Variants in VPS13A observed in about 807,000 individuals in gnomAD.
VPS13A encodes vacuolar protein sorting 13 homolog A, also known as intermembrane lipid transfer protein VPS13A.
VPS13A carries 264 observed loss-of-function variants against 390.9 expected under a neutral mutation model. That is an observed-to-expected ratio of 0.68 (90% confidence interval 0.61 to 0.75). The LOEUF (loss-of-function observed/expected upper bound fraction) is 0.75. Ranked by LOEUF, VPS13A falls within the 30% of genes least tolerant of loss-of-function variation. The pLI, the probability that VPS13A is intolerant of heterozygous loss-of-function variation, is 0.00. For synonymous variants in VPS13A, 1,231 were observed against 1,227.1 expected, an observed-to-expected ratio of 1.00 and a Z score of -0.07; for missense variants, 3,409 against 3,733.9, an observed-to-expected ratio of 0.91 and a Z score of 2.27.
At position 77,353,406 on chromosome 9, in the gene VPS13A, T is replaced by A; in HGVS notation, c.7420-3T>A. On this transcript the variant is annotated splice_region_variant and splice_polypyrimidine_tract_variant and intron_variant, in intron 53 of 71. Transcript: ENST00000360280. ...TTTTTTTTTTTTGGTGGTTTTATTC[T>A]AGGATATGATGATGCCTATAGATTT... 3.2e-6 allele frequency: 5 copies of A among 1,553,838 alleles called. No individual in the cohort carries two copies. Among genetic ancestry groups the A allele is most frequent in the South Asian group, 2.3e-5 (2 of 85,922 alleles).
chr9:77,374,334 CAA>C (rs1832957091), intron 67 of VPS13A, among the ~76,000 whole-genome samples: 1 of 152,068 alleles, frequency 6.6e-6, no homozygotes, highest in South Asian at 2.1e-4. Flanking sequence ...ACAATTATAA[CAA>C]TATACTGTAA....
intron 67 of VPS13A, 31 bp downstream of exon 67, chr9:77,371,180 A>C: frequency 6.2e-7 from 1 of 1,613,250 alleles, no homozygotes; most frequent in African/African-American, 1.3e-5. Flanking sequence ...GATATGAGTT[A>C]AAATGCTGAA....
chr9:77,182,600 A>G (rs1030650418), intron 1 of VPS13A, among the ~76,000 whole-genome samples: 3 of 152,308 alleles, frequency 2.0e-5, no homozygotes, highest in African/African-American at 7.2e-5. Flanking sequence ...TAGAATTTTA[A>G]ATAGACAAAA....
rs80091727 is a variant in VPS13A at position 77,271,424 on chromosome 9, A to G, written c.2428-1856A>G. Among the ~76,000 whole-genome samples, 878 of 152,284 alleles carry G rather than the reference A, an allele frequency of 5.8e-3. 12 individuals carry two copies. The highest frequency in any genetic ancestry group is 0.02 in the African/African-American group (848 of 41,562). On this transcript the variant is annotated intron_variant, in intron 23 of 71. Coordinates refer to ENST00000360280, the MANE Select transcript of VPS13A (RefSeq NM_033305.3). ...TTTTTAAAAATAAGGTTAAGTATAT[A>G]CTTACCATATGACTTGGGAATTCTA...
intron 27 of VPS13A, among the ~76,000 whole-genome samples, chr9:77,280,830 G>A (rs1271879623): frequency 6.6e-6 from 1 of 152,064 alleles, no homozygotes; most frequent in African/African-American, 2.4e-5. Context: ...TTGACTAGAT[G>A]TCTTAAGATT....
intron 40 of VPS13A, 133 bp from the exon 41 acceptor site, chr9:77,318,102 A>G (rs1472286193): frequency 7.5e-6 from 4 of 533,884 alleles, no homozygotes; most frequent in African/African-American, 5.9e-5. Context: ...TTTATAAACA[A>G]TAAATTGTAT....
Position 77,308,116 on chromosome 9 carries a change from A to T in VPS13A, c.4114+18A>T. Reference sequence around the variant, plus strand: ...TTCAGGAGGTATGTTTTTAACTTCAAATTTCTTTCTGCTTTCCTCTTTCTC... The same window carrying T: ...TTCAGGAGGTATGTTTTTAACTTCATATTTCTTTCTGCTTTCCTCTTTCTC... On this transcript the variant is annotated intron_variant, in intron 35 of 71. Coordinates refer to ENST00000360280, the MANE Select transcript of VPS13A (RefSeq NM_033305.3). The T allele has an allele frequency of 6.2e-7, 1 of 1,612,938 alleles. No individual in the cohort carries two copies. Among genetic ancestry groups the T allele is most frequent in the Non-Finnish European group, 8.5e-7 (1 of 1,179,242 alleles).
chr9:77,336,944 C>G (rs1183802542), intron 46 of VPS13A, among the ~76,000 whole-genome samples: 1 of 151,370 alleles, frequency 6.6e-6, no homozygotes, highest in Admixed American at 6.6e-5. Context: ...CTACAGGCGC[C>G]CATCACCATG....
At chr9:77,311,712 C>T (rs1829088217) in intron 35 of VPS13A, among the ~76,000 whole-genome samples, 1 of 152,150 alleles carries the variant, frequency 6.6e-6, no homozygotes, top group South Asian at 2.1e-4. Flanking sequence ...GATTTGAACA[C>T]AGTCAACAAA....
At chr9:77,385,621 A>G (rs1446743426) in intron 68 of VPS13A, among the ~76,000 whole-genome samples, 1 of 152,014 alleles carries the variant, frequency 6.6e-6, no homozygotes, top group African/African-American at 2.4e-5. Flanking sequence ...AAACTGTCCT[A>G]TTTCTCTAAC....
chr9:77,386,412 T>G lies in VPS13A; in HGVS notation c.9189+4325T>G, dbSNP rs191982085. ...TTGTTTGCAAGACATTTCCCAAATT[T>G]ACTGTGCTTGGCCTGTGACACTTAA... On this transcript the variant is annotated intron_variant, in intron 68 of 71. Coordinates refer to ENST00000360280, the MANE Select transcript of VPS13A (RefSeq NM_033305.3). Among the ~76,000 whole-genome samples, 5 of 152,272 alleles carry G rather than the reference T, an allele frequency of 3.3e-5. No individual in the cohort carries two copies. The East Asian group carries it at 9.7e-4, about 29-fold the overall frequency.
At chr9:77,386,523 A>C (rs1833689574) in intron 68 of VPS13A, among the ~76,000 whole-genome samples, 1 of 151,706 alleles carries the variant, frequency 6.6e-6, no homozygotes, top group Admixed American at 6.6e-5. Flanking sequence ...TGGTTATCTT[A>C]GCAGTGATTT....
intron 1 of VPS13A, among the ~76,000 whole-genome samples, chr9:77,189,269 T>C (rs1360578326): frequency 6.6e-6 from 1 of 152,022 alleles, no homozygotes; most frequent in Non-Finnish European, 1.5e-5. Flanking sequence ...CTTTAATCTA[T>C]CTTGAGTTGA....
chr9:77,406,035 G>A (rs1834588564), intron 70 of VPS13A, 48 bp downstream of exon 70: 2 of 1,606,012 alleles, frequency 1.2e-6, no homozygotes, highest in Non-Finnish European at 8.5e-7. Flanking sequence ...TGAAAATAAT[G>A]CTTTGAAGTA....
chr9:77,368,969 A>G (rs758916866), intron 62 of VPS13A, among the ~76,000 whole-genome samples: 9 of 152,144 alleles, frequency 5.9e-5, no homozygotes, highest in African/African-American at 2.2e-4. Context: ...CCCCATCTCT[A>G]CTAAAATCAC....
chr9:77,407,702 G>GA (rs1329357733), intron 71 of VPS13A, 95 bp downstream of exon 71: 9 of 977,264 alleles, frequency 9.2e-6, no homozygotes, highest in Non-Finnish European at 1.3e-5. Context: ...TTGTTTGGGG[G>GA]TTTTTGTTTG....
intron 68 of VPS13A, among the ~76,000 whole-genome samples, chr9:77,385,784 T>G (rs1434608939): frequency 6.6e-6 from 1 of 152,134 alleles, no homozygotes; most frequent in Admixed American, 6.5e-5. Flanking sequence ...GTGATTTAAT[T>G]TAACTGATTC....
At chr9:77,219,933 T>C (rs1260280060) in intron 10 of VPS13A, 21 bp from the exon 11 acceptor site, 7 of 1,612,396 alleles carry the variant, frequency 4.3e-6, no homozygotes, top group South Asian at 3.3e-5. Context: ...CAGTTTTTTT[T>C]CCATTTTTAT....
At chr9:77,361,384 A>T (rs1404155267) in intron 59 of VPS13A, among the ~76,000 whole-genome samples, 2 of 152,110 alleles carry the variant, frequency 1.3e-5, no homozygotes, top group African/African-American at 4.8e-5. Flanking sequence ...AATGCTTTCA[A>T]GGTGCATCTA....
Sources: allele counts gnomAD v4.1 joint callset (sites outside exome capture counted in the v4.1 genomes callset), GRCh38; gene constraint gnomAD v4.1.1; transcripts MANE v1.5; gene names NCBI Gene and HGNC (gene_info 2026-07-23, HGNC 2026-07-21).